The following PDE3A variants were observed in gnomAD, a reference collection of about 807,000 sequenced individuals.
PDE3A encodes phosphodiesterase 3A, also known as cGMP-inhibited 3',5'-cyclic phosphodiesterase 3A.
In PDE3A, 43 loss-of-function variants were observed where a neutral mutation model predicts 98.3. The ratio of observed to expected loss-of-function variants is 0.44; its 90% CI spans 0.34 to 0.56. The LOEUF is 0.56. Among genes scored for constraint, PDE3A ranks in the 20% least tolerant of loss-of-function variants. The pLI is 0.01. For synonymous variants in PDE3A, 663 were observed against 567.9 expected (o/e 1.17, Z -2.38); for missense variants, 1,427 against 1,440.7 (o/e 0.99, Z 0.15).
chr12:20,386,123 A>ATATATATAAAAG (rs1943780976), intron 1 of PDE3A, among the ~76,000 whole-genome samples: 1 of 19,678 alleles, frequency 5.1e-5, no homozygotes, highest in Non-Finnish European at 1.2e-4. Context: ...ATATATATAA[A>ATATATATAAAAG]TATATATAAA....
At chr12:20,509,332 C>A (rs542402641) in intron 1 of PDE3A, among the ~76,000 whole-genome samples, 2 of 151,676 alleles carry the variant, frequency 1.3e-5, no homozygotes, top group Admixed American at 1.3e-4. Context: ...AAAGCCTTTC[C>A]TTTAGTGTTC....
intron 15 of PDE3A, among the ~76,000 whole-genome samples, chr12:20,677,623 C>T (rs1013594095): frequency 6.6e-6 from 1 of 152,036 alleles, no homozygotes; most frequent in Admixed American, 6.6e-5. Context: ...CCATGCCTGG[C>T]TAATTTTTTG....
At position 20,578,273 on chromosome 12, in the gene PDE3A, C is replaced by A. The variant is rs546184292; in HGVS notation, c.1011+21563C>A. 6.6e-5 allele frequency among the ~76,000 whole-genome samples: 10 copies of A among 152,166 alleles called. No homozygotes were observed. The South Asian group carries it at 1.0e-3, about 16-fold the overall frequency. On this transcript the variant is annotated intron_variant, in intron 2 of 15. Coordinates refer to ENST00000359062, the MANE Select transcript of PDE3A (RefSeq NM_000921.5). ...AGGTGGTACTGCAGTATTAAACAGA[C>A]CCCAGTTCTCAAAACAGGGAGGTTG...
chr12:20,472,139 G>A lies in PDE3A; in HGVS notation c.961-84521G>A, dbSNP rs528981182. On this transcript the variant is annotated intron_variant, in intron 1 of 15. Transcript: ENST00000359062. ...ATACTACCCTAGAGTATCTGATACA[G>A]TGGATCAGAGTTGGGGCTCAGTAAT... Among the ~76,000 whole-genome samples, 4 of 152,256 alleles carry A rather than the reference G, an allele frequency of 2.6e-5. No homozygotes were observed. The East Asian group carries it at 7.7e-4, about 29-fold the overall frequency.
intron 2 of PDE3A, among the ~76,000 whole-genome samples, chr12:20,576,065 T>C (rs897135392): frequency 6.6e-6 from 1 of 152,002 alleles, no homozygotes; most frequent in African/African-American, 2.4e-5. Context: ...TATTTTGATA[T>C]AGGTATGCAA....
chr12:20,663,764 G>T (rs1945238685), intron 15 of PDE3A, among the ~76,000 whole-genome samples: 2 of 152,158 alleles, frequency 1.3e-5, no homozygotes, highest in African/African-American at 2.4e-5. Flanking sequence ...TCTCAGATGA[G>T]ACCTTGGACT....
chr12:20,630,079 C>T lies in PDE3A; in HGVS notation c.1712C>T (p.Ala571Val), dbSNP rs143137642. Residue 571 changes from alanine (A) to valine (V), a missense_variant, in exon 6 of 16, where the codon GCC becomes GTC. By Grantham distance (64) the Ala-to-Val change is moderately conservative (BLOSUM62 0). Around this residue, in one of 3 missense-constraint regions of PDE3A, gnomAD observed 1,012 missense variants for 886.5 expected, o/e 1.14. Coordinates refer to ENST00000359062, the MANE Select transcript of PDE3A (RefSeq NM_000921.5). ...SHRALTYTQS[A>V]PDLSPQILTP... ...AGGGCCTTAACTTACACTCAGAGTGCCCCAGACCTATCCCCTCAAATCCTG... is the reference window on the plus strand; with the variant it reads ...AGGGCCTTAACTTACACTCAGAGTGTCCCAGACCTATCCCCTCAAATCCTG... 6.6e-5 allele frequency: 106 copies of T among 1,613,562 alleles called. No homozygotes were observed. Among genetic ancestry groups the T allele is most frequent in the Non-Finnish European group, 8.6e-5 (101 of 1,179,714 alleles).
At chr12:20,602,969 A>C (rs772368681) in intron 2 of PDE3A, among the ~76,000 whole-genome samples, 6 of 152,214 alleles carry the variant, frequency 3.9e-5, no homozygotes, top group Admixed American at 2.0e-4. Context: ...TATCAAATCC[A>C]GCTCATCTTC....
rs35182006 is a variant in PDE3A, at chr12:20,369,147, GAGA to G, written c.-132_-130del. On this transcript the variant is annotated 5_prime_UTR_variant, in exon 1 of 16. Transcript: ENST00000359062. Reference sequence around the variant, plus strand: ...ACTTTCAGTGGATTGTGGGCCTGGGGAGAAGAAGGATTCCGAGGGTGGAATTGG... The same window carrying G: ...ACTTTCAGTGGATTGTGGGCCTGGGGAGAAGGATTCCGAGGGTGGAATTGG... The G allele has an allele frequency of 0.3, 182,628 of 599,434 alleles. 28,999 individuals are homozygous for G. Among genetic ancestry groups the G allele is most frequent in the African/African-American group, 0.4 (21,235 of 53,306 alleles). 37.1% of individuals were successfully genotyped at this position (599,434 alleles called of 1,614,324 possible).
intron 1 of PDE3A, among the ~76,000 whole-genome samples, chr12:20,476,374 CG>C (rs1170450288): frequency 1.3e-5 from 2 of 151,908 alleles, no homozygotes; most frequent in African/African-American, 2.4e-5. Context: ...TTGAGTTTTG[CG>C]GGATATATTT....
chr12:20,560,026 A>T (rs1464049500), intron 2 of PDE3A, among the ~76,000 whole-genome samples: 3 of 152,176 alleles, frequency 2.0e-5, no homozygotes, highest in Non-Finnish European at 4.4e-5. Flanking sequence ...AAGAGTTTGA[A>T]ACTGAGTACT....
chr12:20,390,676 GTA>G (rs933089296), intron 1 of PDE3A, among the ~76,000 whole-genome samples: 2 of 151,880 alleles, frequency 1.3e-5, no homozygotes, highest in South Asian at 2.1e-4. Context: ...CATATTCAGT[GTA>G]TGTTACTTTT....
intron 1 of PDE3A, among the ~76,000 whole-genome samples, chr12:20,380,158 G>A (rs1198348806): frequency 1.3e-5 from 2 of 151,908 alleles, no homozygotes; most frequent in African/African-American, 2.4e-5. Flanking sequence ...GGTTCTTACT[G>A]AATAGCTGTA....
chr12:20,402,867 A>G lies in PDE3A; in HGVS notation c.960+32623A>G, dbSNP rs565270472. Among the ~76,000 whole-genome samples, 90 of 152,324 alleles carry G rather than the reference A, an allele frequency of 5.9e-4. 1 individual carries two copies. The Middle Eastern group carries it at 0.014, about 23-fold the overall frequency. ...ATCCTAAGTGAGCTGTAAGAGTTAA[A>G]TGCATTATAATGGGTCTGCTTGGGT... is the stretch of plus-strand genomic sequence containing the variant. On this transcript the variant is annotated intron_variant, in intron 1 of 15. Transcript: ENST00000359062.
At chr12:20,638,726 C>T (rs1259096432) in intron 9 of PDE3A, among the ~76,000 whole-genome samples, 1 of 152,114 alleles carries the variant, frequency 6.6e-6, no homozygotes, top group Non-Finnish European at 1.5e-5. Context: ...GAAGCATTTT[C>T]TCTCTTGATT....
intron 2 of PDE3A, among the ~76,000 whole-genome samples, chr12:20,602,567 G>A (rs1943617186): frequency 6.6e-6 from 1 of 152,132 alleles, no homozygotes; most frequent in South Asian, 2.1e-4. Context: ...AAAAGAGAAG[G>A]ATGTTAAGAA....
chr12:20,433,337 A>G (rs929857565), intron 1 of PDE3A, among the ~76,000 whole-genome samples: 6 of 152,164 alleles, frequency 3.9e-5, no homozygotes. Flanking sequence ...TCCTGAAATG[A>G]AACAAGACAA....
intron 2 of PDE3A, among the ~76,000 whole-genome samples, chr12:20,613,126 G>A (rs1943910613): frequency 1.3e-5 from 2 of 152,028 alleles, no homozygotes; most frequent in Non-Finnish European, 2.9e-5. Context: ...CTCTTCATAA[G>A]GAGTGATATG....
chr12:20,498,802 T>A (rs756811068), intron 1 of PDE3A, among the ~76,000 whole-genome samples: 6 of 152,184 alleles, frequency 3.9e-5, no homozygotes, highest in African/African-American at 7.2e-5. Context: ...AAGAGTATAA[T>A]GATGGAAATG....
Sources: allele counts gnomAD v4.1 joint callset (sites outside exome capture counted in the v4.1 genomes callset), GRCh38; gene constraint gnomAD v4.1.1; regional missense constraint gnomAD v4.1.1; transcripts MANE v1.5; gene names NCBI Gene and HGNC (gene_info 2026-07-23, HGNC 2026-07-21).